DNAH11: variants seen among roughly 807,000 people sequenced by gnomAD.
DNAH11 encodes the protein dynein axonemal heavy chain 11.
DNAH11 carries 442 observed loss-of-function variants against 526.0 expected under a neutral mutation model. The observed-to-expected ratio is 0.84, with a 90% CI of 0.78 to 0.91. The LOEUF (loss-of-function observed/expected upper bound fraction) is 0.91. DNAH11 is among the 40% of genes least tolerant of loss of function. The probability of loss-of-function intolerance (pLI) is 0.00; values close to 1 mark genes in which losing one functional copy is unlikely to be tolerated. For synonymous variants in DNAH11, 2,461 were observed against 1,935.9 expected (o/e 1.27, Z -7.12); for missense variants, 6,989 against 5,448.7 (o/e 1.28, Z -8.90).
chr7:21,801,278 T>G lies in DNAH11; in HGVS notation c.10165+3T>G. The G allele has an allele frequency of 6.2e-7, 1 of 1,613,752 alleles. No homozygotes were observed. The highest frequency in any genetic ancestry group is 1.3e-5 in the African/African-American group (1 of 75,048). On this transcript the variant is annotated splice_donor_region_variant and intron_variant, in intron 62 of 81. Transcript: ENST00000409508. Reference sequence around the variant, plus strand: ...ACTTGTCAAGGAACTTGAGGCAAGTTAAACCTTTTCTTCCAAACATTCTAA... The same window carrying G: ...ACTTGTCAAGGAACTTGAGGCAAGTGAAACCTTTTCTTCCAAACATTCTAA...
chr7:21,812,012 G>T (rs1471477388), intron 63 of DNAH11, among the ~76,000 whole-genome samples: 2 of 152,162 alleles, frequency 1.3e-5, no homozygotes, highest in African/African-American at 4.8e-5. Context: ...AGGGATGGGG[G>T]TGTTGTATAA....
chr7:21,598,486 G>A (rs755102815), intron 14 of DNAH11, among the ~76,000 whole-genome samples: 4 of 152,106 alleles, frequency 2.6e-5, no homozygotes, highest in Admixed American at 2.0e-4. Context: ...GGTGCAAGAA[G>A]CTCATATTGT....
intron 74 of DNAH11, 96 bp from the exon 75 acceptor site, chr7:21,880,606 C>G (rs1250401307): frequency 7.6e-7 from 1 of 1,315,906 alleles, no homozygotes; most frequent in East Asian, 2.3e-5. Context: ...TAGTATCTCA[C>G]TCTCAAAGTT....
chr7:21,613,627 T>TA (rs1385292740), intron 20 of DNAH11, among the ~76,000 whole-genome samples: 1 of 152,212 alleles, frequency 6.6e-6, no homozygotes, highest in African/African-American at 2.4e-5. Flanking sequence ...ATATGGTGAC[T>TA]ATAGTTAATA....
Position 21,799,664 on chromosome 7 carries a change from T to C in DNAH11, c.10027-1473T>C, listed in dbSNP as rs974920838. Among the ~76,000 whole-genome samples, 4 of 152,202 alleles carry C rather than the reference T, an allele frequency of 2.6e-5. No homozygotes were observed. The East Asian group carries it at 7.7e-4, about 29-fold the overall frequency. On this transcript the variant is annotated intron_variant, in intron 61 of 81. Transcript: ENST00000409508. ...TTTCAATCTTATTTCTAACTGGTGA[T>C]GTATAATATCTCCATCAATTCTCAT...
chr7:21,589,235 A>C lies in DNAH11; in HGVS notation c.2001A>C (p.Leu667Phe). 6.2e-7 allele frequency: 1 copy of C among 1,609,570 alleles called. No homozygotes were observed. Among genetic ancestry groups the C allele is most frequent in the Non-Finnish European group, 8.5e-7 (1 of 1,178,722 alleles). The change falls in exon 12 of 82, where the codon TTA becomes TTC. Residue 667 changes from leucine to phenylalanine, a missense_variant. Leu to Phe is a conservative substitution (Grantham distance 22, BLOSUM62 0). Transcript: ENST00000409508. The stretch of plus-strand genomic sequence containing the variant: ...TTTTGGGCAATCCTGATCACGCTTT[A>C]GTTTATCAAAAGTATGTTGAAATGA... ...YLFLGNPDHA[L>F]VYQKYVEMTT... is the part of the protein sequence containing the mutation.
At chr7:21,713,276 C>T (rs1233421403) in intron 42 of DNAH11, among the ~76,000 whole-genome samples, 1 of 152,186 alleles carries the variant, frequency 6.6e-6, no homozygotes, top group Non-Finnish European at 1.5e-5. Context: ...TTCTCACCCT[C>T]TTCTGTGGTC....
chr7:21,622,813 T>C (rs1432340118), intron 25 of DNAH11, among the ~76,000 whole-genome samples: 2 of 152,084 alleles, frequency 1.3e-5, no homozygotes, highest in Non-Finnish European at 2.9e-5. Flanking sequence ...ATACAAAAAT[T>C]AATTCACGAT....
At chr7:21,547,433 C>T (rs964006587) in intron 2 of DNAH11, among the ~76,000 whole-genome samples, 1 of 152,206 alleles carries the variant, frequency 6.6e-6, no homozygotes, top group Non-Finnish European at 1.5e-5. Context: ...TAGGCAGGCA[C>T]ACCCGGGGCA....
At chr7:21,857,194 T>C (rs1400482814) in intron 68 of DNAH11, among the ~76,000 whole-genome samples, 1 of 152,176 alleles carries the variant, frequency 6.6e-6, no homozygotes, top group African/African-American at 2.4e-5. Context: ...GAAAATAAAA[T>C]CAGTGTCTTA....
chr7:21,559,277 T>A (rs1419581395), intron 3 of DNAH11, among the ~76,000 whole-genome samples: 1 of 152,218 alleles, frequency 6.6e-6, no homozygotes, highest in Admixed American at 6.5e-5. Flanking sequence ...AGAAACACCA[T>A]GTGAATTATT....
chr7:21,653,521 G>T (rs572942523), intron 28 of DNAH11, among the ~76,000 whole-genome samples: 51 of 152,272 alleles, frequency 3.3e-4, no homozygotes, highest in Non-Finnish European at 6.5e-4. Context: ...ATGGCTGAAG[G>T]CTCATTTATC....
intron 30 of DNAH11, among the ~76,000 whole-genome samples, chr7:21,677,822 A>G (rs1322838453): frequency 1.3e-5 from 2 of 152,158 alleles, no homozygotes; most frequent in Admixed American, 6.6e-5. Context: ...TTCTCTAATG[A>G]TTAGTGATTT....
chr7:21,602,325 G>A (rs1442426551), intron 18 of DNAH11, among the ~76,000 whole-genome samples: 1 of 152,066 alleles, frequency 6.6e-6, no homozygotes, highest in East Asian at 1.9e-4. Flanking sequence ...GGGACAAAGC[G>A]AGACTCCTTC....
At chr7:21,675,632 G>C (rs1210381386) in intron 30 of DNAH11, among the ~76,000 whole-genome samples, 3 of 152,126 alleles carry the variant, frequency 2.0e-5, no homozygotes, top group African/African-American at 7.2e-5. Context: ...ACAAAAAACT[G>C]TTGTTTTGGT....
At chr7:21,814,042 C>G (rs1331411488) in intron 63 of DNAH11, among the ~76,000 whole-genome samples, 1 of 152,154 alleles carries the variant, frequency 6.6e-6, no homozygotes, top group African/African-American at 2.4e-5. Context: ...GCCTATTGCT[C>G]CTAGGCTACA....
intron 30 of DNAH11, among the ~76,000 whole-genome samples, chr7:21,665,782 A>G (rs1030510718): frequency 2.6e-5 from 4 of 152,116 alleles, no homozygotes; most frequent in African/African-American, 7.2e-5. Flanking sequence ...GAAATGTTTG[A>G]CAGACCAGAC....
chr7:21,636,851 A>C (rs1228772737), intron 26 of DNAH11, among the ~76,000 whole-genome samples: 1 of 152,214 alleles, frequency 6.6e-6, no homozygotes, highest in Non-Finnish European at 1.5e-5. Context: ...AAAGGTAAAC[A>C]GATTCATCTT....
intron 63 of DNAH11, among the ~76,000 whole-genome samples, chr7:21,810,734 G>A (rs951630556): frequency 3.3e-5 from 5 of 152,074 alleles, no homozygotes; most frequent in African/African-American, 1.2e-4. Context: ...ATCTAGCCAG[G>A]TTTATAGGCA....
Sources: allele counts gnomAD v4.1 joint callset (sites outside exome capture counted in the v4.1 genomes callset), GRCh38; gene constraint gnomAD v4.1.1; transcripts MANE v1.5; gene names NCBI Gene and HGNC (gene_info 2026-07-23, HGNC 2026-07-21).